LINGO2: variants seen among roughly 807,000 people sequenced by gnomAD.
LINGO2 encodes the protein leucine-rich repeat and immunoglobulin-like domain-containing nogo receptor-interacting protein 2.
A neutral mutation model predicts 30.6 loss-of-function variants in LINGO2; 14 were observed. The ratio of observed to expected loss-of-function variants is 0.46; its 90% confidence interval spans 0.30 to 0.72. LINGO2 has a LOEUF of 0.72. Among genes scored for constraint, LINGO2 ranks in the 30% least tolerant of loss-of-function variants. The pLI, the probability that LINGO2 is intolerant of heterozygous loss-of-function variation, is 0.07. For synonymous variants in LINGO2, 317 were observed against 288.5 expected (o/e 1.10, Z -1.00); for missense variants, 729 against 751.7 (o/e 0.97, Z 0.35).
At chr9:28,385,938 C>T (rs1452503852) in intron 2 of LINGO2, among the ~76,000 whole-genome samples, 7 of 152,118 alleles carry the variant, frequency 4.6e-5, no homozygotes, top group Non-Finnish European at 1.0e-4. Context: ...TACAGACCAT[C>T]ATTAATAAAA....
chr9:28,059,084 G>A lies in LINGO2; in HGVS notation c.-86-46679C>T, dbSNP rs147620499. On this transcript the variant is annotated intron_variant, in intron 4 of 5. Coordinates refer to ENST00000379992, the Ensembl canonical transcript of LINGO2. The stretch of plus-strand genomic sequence containing the variant: ...GGCTGTTGGGAAAAAGCTGAGTGTT[G>A]GGAGGGAAACTGAGGCAGGGCTTGC... Among the ~76,000 whole-genome samples the A allele has an allele frequency of 9.2e-3, 1,397 of 152,156 alleles. 29 individuals are homozygous for A. The highest frequency in any genetic ancestry group is 0.031 in the African/African-American group (1,306 of 41,488).
the LINGO2 span, among the ~76,000 whole-genome samples, chr9:29,169,084 A>G: frequency 6.6e-6 from 1 of 152,012 alleles, no homozygotes; most frequent in Non-Finnish European, 1.5e-5. Context: ...AGTAGCTGGG[A>G]TTACAGGCAT....
intron 1 of LINGO2, among the ~76,000 whole-genome samples, chr9:28,569,967 C>A (rs61195920): frequency 6.6e-6 from 1 of 151,524 alleles, no homozygotes. Flanking sequence ...CAATAATAAA[C>A]ATAAAATTGA....
chr9:28,022,356 G>A (rs1823171008), intron 4 of LINGO2, among the ~76,000 whole-genome samples: 1 of 151,912 alleles, frequency 6.6e-6, no homozygotes, highest in Non-Finnish European at 1.5e-5. Context: ...TATCAATTAA[G>A]ATTAGAAGTA....
rs1399168458 is a variant in LINGO2, at chr9:28,329,843, A to ACC, written c.-245-34478_-245-34477insGG. 6.6e-6 allele frequency among the ~76,000 whole-genome samples: 1 copy of ACC among 152,162 alleles called. No homozygotes were observed. The highest frequency in any genetic ancestry group is 1.5e-5 in the Non-Finnish European group (1 of 68,032). The stretch of plus-strand genomic sequence containing the variant: ...ATCACCTTGTGCATATCTCTATGAA[A>ACC]GCACCTCACCTGTGTATAGCTCTAT... On this transcript the variant is annotated intron_variant, in intron 3 of 5. Coordinates refer to ENST00000379992, the Ensembl canonical transcript of LINGO2. This position sits in a 1 kb window ranked among gnomAD's most constrained non-coding sequence, Gnocchi z 4.5.
chr9:28,127,669 A>G (rs983614999), intron 4 of LINGO2, among the ~76,000 whole-genome samples: 5 of 152,190 alleles, frequency 3.3e-5, no homozygotes, highest in African/African-American at 1.2e-4. Context: ...TGTCCTCTCT[A>G]TGGTGGAAAT....
the LINGO2 span, among the ~76,000 whole-genome samples, chr9:28,923,078 T>G: frequency 3.3e-5 from 5 of 152,172 alleles, no homozygotes; most frequent in African/African-American, 4.8e-5. Flanking sequence ...CACTAGAAAC[T>G]GAGAAATGAA....
At chr9:28,394,583 G>C (rs1248627471) in intron 2 of LINGO2, among the ~76,000 whole-genome samples, 2 of 152,128 alleles carry the variant, frequency 1.3e-5, no homozygotes, top group Non-Finnish European at 2.9e-5. Flanking sequence ...TAAAAAGGTA[G>C]GCAGATACAA....
chr9:28,241,076 C>G (rs1353077330), intron 4 of LINGO2, among the ~76,000 whole-genome samples: 1 of 151,930 alleles, frequency 6.6e-6, no homozygotes, highest in African/African-American at 2.4e-5. Flanking sequence ...CAAGACCATC[C>G]TGGCCAACAT....
At chr9:28,947,400 T>C in the LINGO2 span, among the ~76,000 whole-genome samples, 13 of 152,116 alleles carry the variant, frequency 8.5e-5, no homozygotes, top group African/African-American at 2.9e-4. Flanking sequence ...GGATGAGGTT[T>C]TAATTTCTCT....
the LINGO2 span, among the ~76,000 whole-genome samples, chr9:28,894,097 T>C: frequency 1.3e-5 from 2 of 152,048 alleles, no homozygotes; most frequent in Non-Finnish European, 1.5e-5. Flanking sequence ...TCTTTTATGG[T>C]TGCATAGTAT....
chr9:27,951,138 T>G (rs903037437), intron 5 of LINGO2, among the ~76,000 whole-genome samples: 10 of 152,220 alleles, frequency 6.6e-5, no homozygotes, highest in African/African-American at 2.4e-4. Context: ...ATGTTTAGGA[T>G]ATCATCCTCT....
chr9:27,999,381 G>A (rs976389004), intron 5 of LINGO2, among the ~76,000 whole-genome samples: 2 of 151,364 alleles, frequency 1.3e-5, no homozygotes, highest in South Asian at 4.2e-4. Context: ...GCTGGCCGAC[G>A]AACTGCAGAT....
the LINGO2 span, among the ~76,000 whole-genome samples, chr9:28,943,061 A>C: frequency 3.3e-5 from 5 of 152,192 alleles, no homozygotes; most frequent in African/African-American, 4.8e-5. Context: ...CAGCTATGAG[A>C]TATATTAAGG....
chr9:29,080,713 T>C, the LINGO2 span, among the ~76,000 whole-genome samples: 1 of 152,174 alleles, frequency 6.6e-6, no homozygotes, highest in Non-Finnish European at 1.5e-5. Context: ...CCAGTAGTCA[T>C]TCAGGAGCAG....
chr9:29,174,601 T>C, the LINGO2 span, among the ~76,000 whole-genome samples: 1 of 152,244 alleles, frequency 6.6e-6, no homozygotes, highest in African/African-American at 2.4e-5. Context: ...TTCCCTTTTA[T>C]GTCTTATGGG....
chr9:28,376,991 T>G (rs888784475), intron 2 of LINGO2, among the ~76,000 whole-genome samples: 1 of 152,096 alleles, frequency 6.6e-6, no homozygotes, highest in Non-Finnish European at 1.5e-5. Flanking sequence ...TATACTGCCA[T>G]TGGAATATTA....
At chr9:28,110,453 C>A (rs751905693) in intron 4 of LINGO2, among the ~76,000 whole-genome samples, 3 of 152,174 alleles carry the variant, frequency 2.0e-5, no homozygotes, top group Non-Finnish European at 2.9e-5. Context: ...TCAGAGTGAA[C>A]AGGCAACCTA....
chr9:28,695,871 T>A, the LINGO2 span, among the ~76,000 whole-genome samples: 1 of 152,002 alleles, frequency 6.6e-6, no homozygotes, highest in Non-Finnish European at 1.5e-5. Flanking sequence ...TGATAATTTT[T>A]AAAATGGTAT....
Sources: allele counts gnomAD v4.1 joint callset (sites outside exome capture counted in the v4.1 genomes callset), GRCh38; gene constraint gnomAD v4.1.1; non-coding constraint Gnocchi (gnomAD v3.1); transcripts MANE v1.5; gene names NCBI Gene and HGNC (gene_info 2026-07-23, HGNC 2026-07-21).